The following CARNMT1 variants were observed in gnomAD, a reference collection of about 807,000 sequenced individuals.
The protein encoded by CARNMT1 is protein-L-histidine N-pros-methyltransferase CARNMT1.
In CARNMT1, 28 loss-of-function variants were observed where a neutral mutation model predicts 49.6. That is an observed-to-expected ratio of 0.56 (90% confidence interval 0.42 to 0.77). The LOEUF is 0.77. Ranked by LOEUF, CARNMT1 falls within the 30% of genes least tolerant of loss-of-function variation. CARNMT1 has a pLI of 0.00. For missense variants in CARNMT1, 421 were observed against 512.6 expected, an observed-to-expected ratio of 0.82 and a Z score of 1.73; for synonymous variants, 178 against 175.0, an observed-to-expected ratio of 1.02 and a Z score of -0.13.
intron 6 of CARNMT1, among the ~76,000 whole-genome samples, chr9:74,990,292 G>C (rs1376209663): frequency 1.3e-5 from 2 of 152,106 alleles, no homozygotes; most frequent in Non-Finnish European, 2.9e-5. Context: ...TAAAAAAACA[G>C]AATACCTTCA....
At chr9:74,993,031 C>A (rs779181064) in intron 6 of CARNMT1, among the ~76,000 whole-genome samples, 27 of 152,082 alleles carry the variant, frequency 1.8e-4, no homozygotes, top group Non-Finnish European at 3.4e-4. Context: ...TAGTATGTTC[C>A]CTTTTTCAAA....
At chr9:75,002,829 C>A (rs1045924948) in intron 3 of CARNMT1, among the ~76,000 whole-genome samples, 2 of 152,150 alleles carry the variant, frequency 1.3e-5, no homozygotes, top group Admixed American at 6.5e-5. Context: ...CAACCTCTGC[C>A]TCTCAGGCTC....
At chr9:75,024,004 C>T (rs1212217898) in intron 1 of CARNMT1, among the ~76,000 whole-genome samples, 1 of 152,134 alleles carries the variant, frequency 6.6e-6, no homozygotes, top group African/African-American at 2.4e-5. Context: ...AGCCATTTTT[C>T]CCCAATGGTG....
intron 7 of CARNMT1, 50 bp from the exon 8 acceptor site, chr9:74,983,918 C>A (rs768166012): frequency 1.5e-6 from 2 of 1,298,964 alleles, no homozygotes; most frequent in East Asian, 2.4e-5. Flanking sequence ...CATGACCACA[C>A]CACTAACAAA....
intron 6 of CARNMT1, among the ~76,000 whole-genome samples, chr9:74,992,459 A>G (rs1193178864): frequency 6.6e-6 from 1 of 152,186 alleles, no homozygotes; most frequent in African/African-American, 2.4e-5. Flanking sequence ...CCTGCCCTCC[A>G]CTACCTGACT....
At chr9:74,997,020 C>T (rs1030322282) in intron 5 of CARNMT1, among the ~76,000 whole-genome samples, 1 of 152,166 alleles carries the variant, frequency 6.6e-6, no homozygotes, top group African/African-American at 2.4e-5. Context: ...ACATCTACCA[C>T]AACTTCGAAT....
At chr9:74,984,233 TA>T (rs1169175466) in intron 7 of CARNMT1, among the ~76,000 whole-genome samples, 2 of 152,210 alleles carry the variant, frequency 1.3e-5, no homozygotes, top group East Asian at 3.9e-4. Flanking sequence ...TGCACATGAT[TA>T]AAAAAAGATG....
rs1304607808 is a variant in CARNMT1 at position 74,981,808 on chromosome 9, G to A, written c.*1959C>T. 6.6e-6 allele frequency: 1 copy of A among 151,966 alleles called. No homozygotes were observed. The highest frequency in any genetic ancestry group is 6.6e-5 in the Admixed American group (1 of 15,248). The allele number at this position is 151,966 out of a possible 1,614,324, so 9.4% of individuals were successfully genotyped here. ...ATACTAGTCAGTGAATAAAAAGCAT[G>A]TCTAAGCCATTGAAAAACAGCATGC... On this transcript the variant is annotated 3_prime_UTR_variant, in exon 8 of 8. Coordinates refer to ENST00000376834, the MANE Select transcript of CARNMT1 (RefSeq NM_152420.3).
rs550944799 is a variant in CARNMT1 at position 75,012,483 on chromosome 9, C to T, written c.590+3785G>A. 1.4e-4 allele frequency among the ~76,000 whole-genome samples: 22 copies of T among 152,032 alleles called. No homozygotes were observed. In the East Asian group the frequency reaches 1.5e-3, roughly 11 times the overall value. On this transcript the variant is annotated intron_variant, in intron 3 of 7. Coordinates refer to ENST00000376834, the MANE Select transcript of CARNMT1 (RefSeq NM_152420.3). ...TGTATTTTTAGTAGAGACGGGGTTT[C>T]GCCATGTTAGCCAGGCTGATCTCGA...
At chr9:75,027,924 G>GACCC in intron 1 of CARNMT1, 88 bp downstream of exon 1, 1 of 1,374,890 alleles carries the variant, frequency 7.3e-7, no homozygotes, top group Non-Finnish European at 9.5e-7. Flanking sequence ...CGTGGCGGCG[G>GACCC]GACGGCGAGC....
At chr9:75,011,934 G>A (rs1218959992) in intron 3 of CARNMT1, among the ~76,000 whole-genome samples, 1 of 152,146 alleles carries the variant, frequency 6.6e-6, no homozygotes, top group Non-Finnish European at 1.5e-5. Flanking sequence ...AAGTCTCCAG[G>A]TGAAAACACA....
intron 3 of CARNMT1, among the ~76,000 whole-genome samples, chr9:75,010,412 A>G (rs541683256): frequency 6.6e-6 from 1 of 152,300 alleles, no homozygotes; most frequent in South Asian, 2.1e-4. Context: ...GGTGTGAGCT[A>G]TCACCCCAGG....
intron 3 of CARNMT1, among the ~76,000 whole-genome samples, chr9:75,003,458 G>A (rs1233739436): frequency 6.6e-6 from 1 of 152,208 alleles, no homozygotes; most frequent in Non-Finnish European, 1.5e-5. Context: ...ATTGTTTATG[G>A]CTGCATTCCT....
chr9:74,993,342 A>G (rs1833088024), intron 6 of CARNMT1, among the ~76,000 whole-genome samples: 1 of 152,218 alleles, frequency 6.6e-6, no homozygotes, highest in African/African-American at 2.4e-5. Flanking sequence ...GGGCTAAGTC[A>G]AAGGACTGGC....
At position 74,982,424 on chromosome 9, in the gene CARNMT1, T is replaced by C. The variant is rs1329832139; in HGVS notation, c.*1343A>G. 5.9e-5 allele frequency: 9 copies of C among 152,184 alleles called. No individual in the cohort carries two copies. Among genetic ancestry groups the C allele is most frequent in the Non-Finnish European group, 1.2e-4 (8 of 68,032 alleles). The allele number at this position is 152,184 out of a possible 1,614,324, so 9.4% of individuals were successfully genotyped here. Reference sequence around the variant, plus strand: ...CCAAGCTACTGGAAACAGAATATCATACATTAAAAAATACAAAGGAAAACT... The same window carrying C: ...CCAAGCTACTGGAAACAGAATATCACACATTAAAAAATACAAAGGAAAACT... On this transcript the variant is annotated 3_prime_UTR_variant, in exon 8 of 8. Coordinates refer to ENST00000376834, the MANE Select transcript of CARNMT1 (RefSeq NM_152420.3).
chr9:74,998,535 A>G, intron 5 of CARNMT1, 63 bp downstream of exon 5: 1 of 1,333,252 alleles, frequency 7.5e-7, no homozygotes, highest in Non-Finnish European at 1.0e-6. Context: ...GGCTTAGGAT[A>G]AAACTAGCTC....
At chr9:74,988,644 A>C (rs1001222268) in intron 6 of CARNMT1, among the ~76,000 whole-genome samples, 2 of 152,226 alleles carry the variant, frequency 1.3e-5, no homozygotes, top group African/African-American at 4.8e-5. Flanking sequence ...TTAATCTAAT[A>C]AACATAGGTA....
In CARNMT1 at chr9:75,003,459, C is replaced by T. The variant is rs1282456613; in HGVS notation, c.591-3589G>A. 2.0e-5 allele frequency among the ~76,000 whole-genome samples: 3 copies of T among 152,364 alleles called. No individual in the cohort carries two copies. The East Asian group carries it at 5.8e-4, about 29-fold the overall frequency. On this transcript the variant is annotated intron_variant, in intron 3 of 7. Coordinates refer to ENST00000376834, the MANE Select transcript of CARNMT1 (RefSeq NM_152420.3). Reference sequence around the variant, plus strand: ...TCACTCATCTAAGAATTGTTTATGGCTGCATTCCTGCAACAAGGCGCTAAG... The same window carrying T: ...TCACTCATCTAAGAATTGTTTATGGTTGCATTCCTGCAACAAGGCGCTAAG...
intron 1 of CARNMT1, among the ~76,000 whole-genome samples, chr9:75,018,594 T>C (rs1451579076): frequency 2.0e-5 from 3 of 152,192 alleles, no homozygotes; most frequent in African/African-American, 7.2e-5. Flanking sequence ...ACTTGCCTTA[T>C]GACCTAGCAA....
Sources: allele counts gnomAD v4.1 joint callset (sites outside exome capture counted in the v4.1 genomes callset), GRCh38; gene constraint gnomAD v4.1.1; transcripts MANE v1.5; gene names NCBI Gene and HGNC (gene_info 2026-07-23, HGNC 2026-07-21).